Variants in CRNKL1 observed in about 807,000 individuals in gnomAD.
The protein encoded by CRNKL1 is crooked neck-like protein 1.
A neutral mutation model predicts 103.7 loss-of-function variants in CRNKL1; 35 were observed. The ratio of observed to expected loss-of-function variants is 0.34; its 90% CI spans 0.26 to 0.45. The LOEUF is 0.45. Ranked by LOEUF, CRNKL1 falls within the 20% of genes least tolerant of loss-of-function variation. The pLI is 1.00. For missense variants in CRNKL1, 645 were observed against 836.0 expected (o/e 0.77, Z 2.82); for synonymous variants, 267 against 282.6 (o/e 0.94, Z 0.55).
rs994339860 is a variant in CRNKL1 at position 20,036,037 on chromosome 20, A to G, written c.*158T>C. 6 of 756,622 alleles carry G rather than the reference A, an allele frequency of 7.9e-6. No homozygotes were observed. In the East Asian group the frequency reaches 1.7e-4, roughly 21 times the overall value. 46.9% of individuals were successfully genotyped at this position (756,622 alleles called of 1,614,324 possible). A position where few individuals can be genotyped will look rare whatever the true frequency, so the allele number is the denominator to read the frequency against. ...TCCTTTACTTGCAATCCCTACCCCTAGCTAACCCAAGAGCATTTAAAAAAT... is the reference window on the plus strand; with the variant it reads ...TCCTTTACTTGCAATCCCTACCCCTGGCTAACCCAAGAGCATTTAAAAAAT... On this transcript the variant is annotated 3_prime_UTR_variant, in exon 14 of 14. Transcript: ENST00000536226.
chr20:20,054,585 G>A (rs1323859341), upstream of CRNKL1, among the ~76,000 whole-genome samples: 1 of 152,164 alleles, frequency 6.6e-6, no homozygotes, highest in Non-Finnish European at 1.5e-5. Flanking sequence ...GCTCATTTGT[G>A]CCGATATTGT....
chr20:20,043,135 CA>C (rs1397482668), intron 7 of CRNKL1, among the ~76,000 whole-genome samples: 1 of 152,154 alleles, frequency 6.6e-6, no homozygotes, highest in Non-Finnish European at 1.5e-5. Context: ...CAGTTAAGCT[CA>C]AAGGTGATGT....
rs762142653 is a variant in CRNKL1 at position 20,039,606 on chromosome 20, C to T, written c.1545+3G>A. 2 of 1,612,994 alleles carry T rather than the reference C, an allele frequency of 1.2e-6. No homozygotes were observed. The highest frequency in any genetic ancestry group is 1.1e-5 in the South Asian group (1 of 90,856). On this transcript the variant is annotated splice_donor_region_variant and intron_variant, in intron 11 of 13. Coordinates refer to ENST00000536226, the MANE Select transcript of CRNKL1 (RefSeq NM_001278628.2). ...AAAATTATATTTGACTTGAGATGCT[C>T]ACCTCTGGCATGTCTAAACGTGGCT...
At chr20:20,049,749 G>A (rs2043654835) in intron 2 of CRNKL1, among the ~76,000 whole-genome samples, 1 of 151,990 alleles carries the variant, frequency 6.6e-6, no homozygotes, top group South Asian at 2.1e-4. Flanking sequence ...GAGTGAAGAG[G>A]TCAAATCAGA....
upstream of CRNKL1, among the ~76,000 whole-genome samples, chr20:20,053,020 C>A (rs1004262422): frequency 6.6e-6 from 1 of 152,154 alleles, no homozygotes; most frequent in Non-Finnish European, 1.5e-5. Context: ...AATAGAGTAA[C>A]TGGAAAACAA....
At chr20:20,038,207 T>C (rs1300706331) in intron 12 of CRNKL1, 142 bp downstream of exon 12, 4 of 595,914 alleles carry the variant, frequency 6.7e-6, no homozygotes, top group Non-Finnish European at 1.2e-5. Flanking sequence ...CCTCTGAGAC[T>C]CACGTTTCTC....
chr20:20,055,649 T>G (rs993222167), upstream of CRNKL1, among the ~76,000 whole-genome samples: 2 of 152,226 alleles, frequency 1.3e-5, no homozygotes, highest in Non-Finnish European at 2.9e-5. Flanking sequence ...CCTTATTTTA[T>G]TCAGAATTTT....
chr20:20,041,434 A>C (rs567919123), intron 9 of CRNKL1, 132 bp downstream of exon 9: 1 of 714,530 alleles, frequency 1.4e-6, no homozygotes, highest in South Asian at 1.7e-5. Flanking sequence ...AGCATATCTC[A>C]GTCTTATTTA....
chr20:20,049,049 A>T (rs1254234871), intron 3 of CRNKL1, among the ~76,000 whole-genome samples: 1 of 117,472 alleles, frequency 8.5e-6, no homozygotes, highest in Non-Finnish European at 1.6e-5. Context: ...GCCATTGTTT[A>T]GCTGAAATTT....
intron 2 of CRNKL1, among the ~76,000 whole-genome samples, chr20:20,049,687 T>C (rs762893979): frequency 3.9e-5 from 6 of 152,226 alleles, no homozygotes; most frequent in Non-Finnish European, 7.3e-5. Flanking sequence ...CTGGTAATTC[T>C]CAGAATTTCA....
chr20:20,041,428 T>C, intron 9 of CRNKL1, 138 bp downstream of exon 9: 2 of 687,090 alleles, frequency 2.9e-6, no homozygotes, highest in Non-Finnish European at 5.1e-6. Flanking sequence ...GCAAGGAGCA[T>C]ATCTCAGTCT....
intron 5 of CRNKL1, among the ~76,000 whole-genome samples, chr20:20,046,507 A>T (rs1435210636): frequency 6.6e-6 from 1 of 152,222 alleles, no homozygotes; most frequent in Non-Finnish European, 1.5e-5. Flanking sequence ...TATTTAGTCA[A>T]TGCGAACACT....
At chr20:20,052,831 T>A, upstream of CRNKL1, 1 of 1,092,850 alleles carries the variant, frequency 9.2e-7, no homozygotes, top group Non-Finnish European at 1.3e-6. Context: ...GCTGCCGCCC[T>A]TTTAGGCTGC....
Position 20,049,372 on chromosome 20 carries a change from T to C in CRNKL1, c.264A>G (p.Ala88=), listed in dbSNP as rs375852443. 7.5e-6 allele frequency: 12 copies of C among 1,602,350 alleles called. No homozygotes were observed. The African/African-American group carries it at 1.6e-4, about 21-fold the overall frequency. ...TCTCCTTTAGGCTTTCTTCCCATTG[T>C]GCGTATTTTATCCAGTTACTAATCA... ...RTVISNWIKY[A]QWEESLKEIQ... Residue 88 remains alanine, a synonymous_variant, in exon 3 of 14, where the codon GCA becomes GCG. Coordinates refer to ENST00000536226, the MANE Select transcript of CRNKL1 (RefSeq NM_001278628.2).
intron 4 of CRNKL1, among the ~76,000 whole-genome samples, 192 bp downstream of exon 4, chr20:20,048,151 A>C (rs2043624713): frequency 6.6e-6 from 1 of 152,248 alleles, no homozygotes; most frequent in Admixed American, 6.5e-5. Context: ...TTGCAATCAA[A>C]ATTTTAGTTT....
At chr20:20,053,870 A>G (rs2043997839), upstream of CRNKL1, among the ~76,000 whole-genome samples, 1 of 152,164 alleles carries the variant, frequency 6.6e-6, no homozygotes. Flanking sequence ...TGATTTACCA[A>G]ATGAATCATT....
At chr20:20,048,205 T>C in intron 4 of CRNKL1, 138 bp downstream of exon 4, 1 of 1,026,958 alleles carries the variant, frequency 9.7e-7, no homozygotes, top group Non-Finnish European at 1.4e-6. Flanking sequence ...CTTAATAGAC[T>C]ATGGGACATA....
Position 20,034,452 on chromosome 20 carries a change from T to G in CRNKL1, c.*1743A>C, listed in dbSNP as rs2043385151. The G allele has an allele frequency of 6.6e-6, 1 of 152,216 alleles. No individual in the cohort carries two copies. The highest frequency in any genetic ancestry group is 2.4e-5 in the African/African-American group (1 of 41,466). The allele number at this position is 152,216 out of a possible 1,614,324, so 9.4% of individuals were successfully genotyped here. A position where few individuals can be genotyped will look rare whatever the true frequency, so the allele number is the denominator to read the frequency against. ...ATCTTTATGTTCTCCTGTTAGAGAA[T>G]AGCTTTTTTCCTTCCAGCTTTCACA... On this transcript the variant is annotated 3_prime_UTR_variant, in exon 14 of 14. Coordinates refer to ENST00000536226, the MANE Select transcript of CRNKL1 (RefSeq NM_001278628.2).
rs1418368284 is a variant in CRNKL1, at chr20:20,037,525, C to T, written c.1694G>A (p.Gly565Glu). The change falls in exon 13 of 14, where the codon GGA becomes GAA. Residue 565 changes from glycine (G) to glutamate (E), a missense_variant. Gly to Glu is a moderately conservative substitution (Grantham distance 98, BLOSUM62 -2). Coordinates refer to ENST00000536226, the MANE Select transcript of CRNKL1 (RefSeq NM_001278628.2). ...AQFELSSGKE[G>E]SLTKCRQIYE... is the part of the protein sequence containing the mutation. ...AATTTGTCTGCATTTAGTCAAACTTCCTTCTTTTCCTGAAGACAACTCAAA... is the reference window on the plus strand; with the variant it reads ...AATTTGTCTGCATTTAGTCAAACTTTCTTCTTTTCCTGAAGACAACTCAAA... 22 of 1,613,980 alleles carry T rather than the reference C, an allele frequency of 1.4e-5. No homozygotes were observed. The highest frequency in any genetic ancestry group is 1.9e-5 in the Non-Finnish European group (22 of 1,180,004).
Sources: allele counts gnomAD v4.1 joint callset (sites outside exome capture counted in the v4.1 genomes callset), GRCh38; gene constraint gnomAD v4.1.1; transcripts MANE v1.5; gene names NCBI Gene and HGNC (gene_info 2026-07-23, HGNC 2026-07-21).